CEP83: variants seen among roughly 807,000 people sequenced by gnomAD.
The protein encoded by CEP83 is centrosomal protein 83, also known as centrosomal protein of 83 kDa.
In CEP83, 70 loss-of-function variants were observed where a neutral mutation model predicts 101.9. That is an observed-to-expected ratio of 0.69 (90% CI 0.57 to 0.84). CEP83 has a LOEUF of 0.84. Ranked by LOEUF, CEP83 falls within the 40% of genes least tolerant of loss-of-function variation. CEP83 has a pLI of 0.00. For missense variants in CEP83, 715 were observed against 787.2 expected, an observed-to-expected ratio of 0.91 and a Z score of 1.10; for synonymous variants, 264 against 267.9, an observed-to-expected ratio of 0.99 and a Z score of 0.14.
chr12:94,416,573 CAAAAAAAAA>C (rs59339712), intron 2 of CEP83, among the ~76,000 whole-genome samples: 1 of 147,966 alleles, frequency 6.8e-6, no homozygotes, highest in Non-Finnish European at 1.5e-5. Context: ...CACACACACA[CAAAAAAAAA>C]AAAACTGTAG....
At chr12:94,272,778 G>A in the CEP83 span, among the ~76,000 whole-genome samples, 3 of 152,208 alleles carry the variant, frequency 2.0e-5, no homozygotes, top group African/African-American at 7.2e-5. Flanking sequence ...CAGAAGCTCT[G>A]TAAAAATGTC....
intron 6 of CEP83, among the ~76,000 whole-genome samples, chr12:94,396,179 T>C (rs895569060): frequency 6.6e-6 from 1 of 151,722 alleles, no homozygotes; most frequent in African/African-American, 2.4e-5. Context: ...AAAAACAAAA[T>C]AGTCCCACTT....
intron 15 of CEP83, 96 bp downstream of exon 15, chr12:94,312,818 A>G (rs553462476): frequency 2.4e-6 from 3 of 1,243,476 alleles, no homozygotes; most frequent in Admixed American, 3.7e-5. Context: ...TTTAAAATGT[A>G]TATTTTAAAA....
chr12:94,294,382 A>G, the CEP83 span: 8 of 604,522 alleles, frequency 1.3e-5, no homozygotes, highest in Middle Eastern at 3.2e-4. Context: ...ATTTGATTTA[A>G]TAAGTGACAG....
chr12:94,380,018 T>C (rs975486374), intron 6 of CEP83, among the ~76,000 whole-genome samples: 3 of 145,876 alleles, frequency 2.1e-5, no homozygotes, highest in African/African-American at 7.6e-5. Context: ...GGACAAGAGG[T>C]TGTTTGTAGC....
At chr12:94,409,031 A>T (rs1361061146) in intron 4 of CEP83, among the ~76,000 whole-genome samples, 1 of 151,996 alleles carries the variant, frequency 6.6e-6, no homozygotes, top group East Asian at 1.9e-4. Context: ...GATGACATTA[A>T]ATCTTAGAAA....
chr12:94,279,528 G>T, the CEP83 span: 9 of 1,614,188 alleles, frequency 5.6e-6, no homozygotes, highest in Non-Finnish European at 7.6e-6. Context: ...ATGTCTGTCG[G>T]AATATTTCAG....
At chr12:94,457,533 C>T (rs1428600939) in intron 1 of CEP83, among the ~76,000 whole-genome samples, 3 of 152,152 alleles carry the variant, frequency 2.0e-5, no homozygotes, top group Admixed American at 6.5e-5. Flanking sequence ...AAGGATTATA[C>T]GAGTCATTCT....
At chr12:94,271,070 T>G in the CEP83 span, among the ~76,000 whole-genome samples, 1 of 152,238 alleles carries the variant, frequency 6.6e-6, no homozygotes, top group East Asian at 1.9e-4. Context: ...AAACTGAATT[T>G]TCTTTCTTGT....
chr12:94,399,365 G>T (rs1346916540), intron 6 of CEP83, among the ~76,000 whole-genome samples: 1 of 152,106 alleles, frequency 6.6e-6, no homozygotes, highest in African/African-American at 2.4e-5. Flanking sequence ...TTGGGGGTGG[G>T]TTCCCCCAAT....
chr12:94,393,144 G>C (rs537266436), intron 6 of CEP83, among the ~76,000 whole-genome samples: 10 of 152,304 alleles, frequency 6.6e-5, no homozygotes, highest in Admixed American at 2.0e-4. Flanking sequence ...GCATCATCCT[G>C]ATACCAAAGC....
chr12:94,362,340 C>A (rs1003749257), intron 11 of CEP83, among the ~76,000 whole-genome samples: 9 of 152,140 alleles, frequency 5.9e-5, no homozygotes, highest in African/African-American at 2.2e-4. Context: ...TAACAACAGG[C>A]CAAGTGCGGT....
chr12:94,349,290 A>G (rs1031858857), intron 11 of CEP83, among the ~76,000 whole-genome samples: 1 of 151,432 alleles, frequency 6.6e-6, no homozygotes, highest in African/African-American at 2.4e-5. Context: ...TGTCTCAAAA[A>G]AAAAAAAAAA....
intron 6 of CEP83, among the ~76,000 whole-genome samples, chr12:94,381,400 A>G (rs1287088439): frequency 1.3e-5 from 2 of 152,182 alleles, no homozygotes; most frequent in African/African-American, 4.8e-5. Context: ...TTCTATTCTA[A>G]ATACAAACTT....
At chr12:94,323,848 A>G (rs565210356) in intron 14 of CEP83, among the ~76,000 whole-genome samples, 1 of 152,350 alleles carries the variant, frequency 6.6e-6, no homozygotes, top group South Asian at 2.1e-4. Flanking sequence ...CATTTATAAG[A>G]TTGAAAATTC....
intron 2 of CEP83, among the ~76,000 whole-genome samples, chr12:94,417,615 C>G (rs907499697): frequency 3.9e-5 from 6 of 151,948 alleles, no homozygotes; most frequent in Admixed American, 1.3e-4. Context: ...ATGGCAAAAC[C>G]CCATCTCTAC....
intron 2 of CEP83, chr12:94,423,821 TCTC>T (rs1342705040): frequency 5.0e-6 from 8 of 1,613,388 alleles, no homozygotes; most frequent in Admixed American, 1.7e-5. Flanking sequence ...TGGCCGCTGC[TCTC>T]CTCGACTGAA....
At chr12:94,299,159 G>A in the CEP83 span, among the ~76,000 whole-genome samples, 102 of 152,150 alleles carry the variant, frequency 6.7e-4, no homozygotes, top group African/African-American at 2.4e-3. Flanking sequence ...GTTCCTAATC[G>A]GTTACTTTGC....
At chr12:94,312,592 C>A in intron 15 of CEP83, 1 of 985,374 alleles carries the variant, frequency 1.0e-6, no homozygotes, top group Non-Finnish European at 1.2e-6. Context: ...AAGTTGTAGG[C>A]ACAATTTTCA....
Sources: gnomAD v4.1 joint callset for allele counts (sites outside exome capture counted in the v4.1 genomes callset) on GRCh38, gnomAD v4.1.1 for gene constraint, MANE v1.5 for transcripts, NCBI Gene and HGNC (gene_info 2026-07-23, HGNC 2026-07-21) for gene names.